The following C1QTNF5 variants were observed in gnomAD, a reference collection of about 807,000 sequenced individuals.
C1QTNF5 encodes complement C1q tumor necrosis factor-related protein 5.
Under a neutral mutation model 10.9 loss-of-function variants are expected in C1QTNF5, and 5 were observed. That is an observed-to-expected ratio of 0.46 (90% CI 0.24 to 0.97). The LOEUF (loss-of-function observed/expected upper bound fraction) is 0.97, where lower values mean the gene tolerates loss of function less well. C1QTNF5 is among the 50% of genes least tolerant of loss of function. C1QTNF5 has a pLI of 0.19. For missense variants in C1QTNF5, 281 were observed against 339.4 expected, an observed-to-expected ratio of 0.83 and a Z score of 1.35; for synonymous variants, 161 against 156.5, an observed-to-expected ratio of 1.03 and a Z score of -0.22.
chr11:119,339,673 C>T lies in C1QTNF5; in HGVS notation c.390G>A (p.Val130=), dbSNP rs752412062. The T allele has an allele frequency of 1.6e-5, 25 of 1,611,074 alleles. No individual in the cohort carries two copies. The highest frequency in any genetic ancestry group is 2.1e-5 in the Non-Finnish European group (25 of 1,179,912). The change falls in exon 3 of 3, where the codon GTG becomes GTA. Residue 130 remains valine (V), a synonymous_variant. Transcript: ENST00000528368. This position sits in a 1 kb window ranked among gnomAD's most constrained non-coding sequence, Gnocchi z 5.4. Reference sequence around the variant, plus strand: ...CGGCGTCGTAATGTCCCTGCTCGTTCACCAGCACGCGGTCGAAGGGCAAGG... The same window carrying T: ...CGGCGTCGTAATGTCCCTGCTCGTTTACCAGCACGCGGTCGAAGGGCAAGG... The part of the protein sequence containing the change: ...DAPLPFDRVL[V]NEQGHYDAVT...
At chr11:119,346,138 C>T in the C1QTNF5 span, 27 of 1,598,788 alleles carry the variant, frequency 1.7e-5, no homozygotes, top group African/African-American at 1.1e-4. Flanking sequence ...GCAGTCTGGC[C>T]GTAGCCCTCG....
chr11:119,344,464 C>T (rs1950538043), upstream of C1QTNF5: 4 of 1,558,336 alleles, frequency 2.6e-6, no homozygotes, highest in Admixed American at 1.8e-5. Flanking sequence ...GCGGTGATTA[C>T]AGAGCGAGAG....
chr11:119,345,097 C>T, upstream of C1QTNF5: 1 of 1,495,370 alleles, frequency 6.7e-7, no homozygotes, highest in African/African-American at 1.4e-5. Flanking sequence ...ATTTTCTCAA[C>T]CCCCAAACTG....
upstream of C1QTNF5, chr11:119,345,835 G>C: frequency 5.6e-6 from 9 of 1,614,012 alleles, no homozygotes; most frequent in Non-Finnish European, 7.6e-6. Flanking sequence ...AGCTGCCTGA[G>C]AGGTGGTGAT....
At chr11:119,340,113 C>A in intron 2 of C1QTNF5, 71 bp downstream of exon 2, 1 of 1,451,104 alleles carries the variant, frequency 6.9e-7, no homozygotes. Context: ...GAGTCCCGGA[C>A]ACCGGGAGCT....
chr11:119,344,339 G>T (rs730882141), upstream of C1QTNF5: 3 of 1,614,040 alleles, frequency 1.9e-6, no homozygotes, highest in Admixed American at 3.3e-5. Context: ...ACTGCTGCAG[G>T]TAGCTGGGAG....
At chr11:119,342,793 C>T, upstream of C1QTNF5, 1 of 1,613,064 alleles carries the variant, frequency 6.2e-7, no homozygotes, top group Non-Finnish European at 8.5e-7. Context: ...CCCAGAGTGT[C>T]CTGACCAGGG....
chr11:119,346,695 T>C, the C1QTNF5 span: 1 of 664,572 alleles, frequency 1.5e-6, no homozygotes, highest in Admixed American at 2.2e-5. Flanking sequence ...TGGGCTACTC[T>C]GTCTCTGTGT....
chr11:119,342,466 G>T, upstream of C1QTNF5: 1 of 1,224,062 alleles, frequency 8.2e-7, no homozygotes, highest in South Asian at 1.5e-5. Context: ...TGGTCCCAGA[G>T]TCAGGATGGT....
At chr11:119,341,462 T>G, upstream of C1QTNF5, 1 of 1,177,408 alleles carries the variant, frequency 8.5e-7, no homozygotes, top group Non-Finnish European at 1.2e-6. Context: ...GAGACCCTGC[T>G]GATGCTCCTT....
At chr11:119,341,322 A>G (rs1049419572), upstream of C1QTNF5, 3 of 579,936 alleles carry the variant, frequency 5.2e-6, no homozygotes, top group Admixed American at 3.0e-5. Flanking sequence ...CCGGTGGCAC[A>G]GTGTGGGGCC....
upstream of C1QTNF5, chr11:119,345,049 G>A (rs767432199): frequency 1.9e-6 from 3 of 1,583,950 alleles, no homozygotes; most frequent in Non-Finnish European, 1.7e-6. Context: ...CAAGAGCAGG[G>A]TCAGCCAGAG....
chr11:119,340,402 C>T lies in C1QTNF5; in HGVS notation c.-5G>A, dbSNP rs1224850762. 6.5e-7 allele frequency: 1 copy of T among 1,544,268 alleles called. No individual in the cohort carries two copies. The highest frequency in any genetic ancestry group is 1.4e-5 in the African/African-American group (1 of 72,762). ...CAGGACGAGGAGTGGCCTCATAGCG[C>T]TGGCACCGGGAGCCCGGACGCCGGG... is the stretch of plus-strand genomic sequence containing the variant. On this transcript the variant is annotated 5_prime_UTR_variant, in exon 2 of 3. Transcript: ENST00000528368.
chr11:119,345,599 G>A, upstream of C1QTNF5: 1 of 1,613,796 alleles, frequency 6.2e-7, no homozygotes. Context: ...GGCTGCTGAA[G>A]AAGCCCCTTG....
At chr11:119,344,408 G>C, upstream of C1QTNF5, 2 of 1,611,418 alleles carry the variant, frequency 1.2e-6, no homozygotes, top group Non-Finnish European at 1.7e-6. Context: ...AGAGGTGGAA[G>C]GGCTCATGAG....
upstream of C1QTNF5, chr11:119,342,052 C>T (rs544282862): frequency 9.9e-5 from 158 of 1,599,036 alleles, no homozygotes; most frequent in Admixed American, 4.9e-4. Context: ...GGCAAGTCAC[C>T]GAATCGCTCG....
At chr11:119,345,898 G>T, upstream of C1QTNF5, 1 of 1,613,758 alleles carries the variant, frequency 6.2e-7, no homozygotes, top group Non-Finnish European at 8.5e-7. Context: ...TGGGCTATGG[G>T]ACGCCCCAGA....
intron 2 of C1QTNF5, 68 bp downstream of exon 2, chr11:119,340,116 C>A (rs980676684): frequency 5.5e-6 from 8 of 1,463,498 alleles, no homozygotes; most frequent in Middle Eastern, 4.9e-4. Context: ...TCCCGGACAC[C>A]GGGAGCTGGA....
chr11:119,346,249 AG>A, the C1QTNF5 span: 5 of 1,595,520 alleles, frequency 3.1e-6, no homozygotes, highest in Non-Finnish European at 4.3e-6. Context: ...GTCCTCCCCC[AG>A]GTCACCCCCT....
Sources: allele counts gnomAD v4.1 joint callset, GRCh38; gene constraint gnomAD v4.1.1; non-coding constraint Gnocchi (gnomAD v3.1); transcripts MANE v1.5; gene names NCBI Gene and HGNC (gene_info 2026-07-23, HGNC 2026-07-21).